The following MGMT variants were observed in gnomAD, a reference collection of about 807,000 sequenced individuals.
MGMT encodes the protein methylated-DNA--protein-cysteine methyltransferase.
A neutral mutation model predicts 15.9 loss-of-function variants in MGMT; 14 were observed. The ratio of observed to expected loss-of-function variants is 0.88; its 90% CI spans 0.58 to 1.37. The LOEUF (loss-of-function observed/expected upper bound fraction) is 1.37. Ranked by LOEUF, MGMT falls within the 40% of genes most tolerant of loss-of-function variation. The pLI is 0.00. For synonymous variants in MGMT, 130 were observed against 118.2 expected, an observed-to-expected ratio of 1.10 and a Z score of -0.65; for missense variants, 282 against 268.1, an observed-to-expected ratio of 1.05 and a Z score of -0.36.
intron 1 of MGMT, among the ~76,000 whole-genome samples, chr10:129,503,944 C>T (rs1383069589): frequency 1.3e-5 from 2 of 151,844 alleles, no homozygotes; most frequent in Admixed American, 1.3e-4. Context: ...GTTTTGTTTC[C>T]CTGTCTTTGT....
intron 1 of MGMT, among the ~76,000 whole-genome samples, chr10:129,486,982 C>T (rs1040309724): frequency 6.6e-6 from 1 of 152,186 alleles, no homozygotes; most frequent in Admixed American, 6.5e-5. Flanking sequence ...TGGCAGTCTA[C>T]CCGGGCAGCC....
chr10:129,741,319 C>CT (rs1564781434), intron 3 of MGMT, among the ~76,000 whole-genome samples: 1 of 152,214 alleles, frequency 6.6e-6, no homozygotes, highest in East Asian at 1.9e-4. Context: ...AATGTTAACT[C>CT]TCCCTAAAAG....
At chr10:129,559,929 G>T (rs1186329289) in intron 2 of MGMT, among the ~76,000 whole-genome samples, 1 of 152,172 alleles carries the variant, frequency 6.6e-6, no homozygotes, top group African/African-American at 2.4e-5. Flanking sequence ...CTGTTCCTTG[G>T]ATGGTCAGCA....
intron 2 of MGMT, among the ~76,000 whole-genome samples, chr10:129,688,715 A>G (rs1847937504): frequency 6.6e-6 from 1 of 152,196 alleles, no homozygotes; most frequent in Non-Finnish European, 1.5e-5. Context: ...TGTCTAAAAC[A>G]CCAAAAGCAA....
intron 2 of MGMT, among the ~76,000 whole-genome samples, chr10:129,646,561 G>A (rs1053780668): frequency 6.6e-6 from 1 of 151,150 alleles, no homozygotes; most frequent in Non-Finnish European, 1.5e-5. Context: ...GGGCACGGTG[G>A]CAGTTAGTAC....
At chr10:129,765,321 C>T (rs1848920999) in intron 4 of MGMT, among the ~76,000 whole-genome samples, 1 of 152,214 alleles carries the variant, frequency 6.6e-6, no homozygotes, top group Admixed American at 6.5e-5. Flanking sequence ...TGGAGCAGAT[C>T]TTCACAGTAA....
At chr10:129,739,629 C>T (rs1848607464) in intron 3 of MGMT, among the ~76,000 whole-genome samples, 1 of 151,772 alleles carries the variant, frequency 6.6e-6, no homozygotes, top group Non-Finnish European at 1.5e-5. Context: ...CAGAACTCCC[C>T]TACACCACAG....
intron 3 of MGMT, among the ~76,000 whole-genome samples, chr10:129,752,690 C>G (rs929524492): frequency 1.3e-5 from 2 of 151,836 alleles, no homozygotes. Context: ...ACTGTTTTAC[C>G]TTTTTAAGTG....
At chr10:129,555,108 A>G (rs1424140783) in intron 2 of MGMT, among the ~76,000 whole-genome samples, 1 of 152,194 alleles carries the variant, frequency 6.6e-6, no homozygotes, top group African/African-American at 2.4e-5. Context: ...CGATGGTGCT[A>G]TTTCTACCAC....
chr10:129,478,634 GA>G (rs1188326394), intron 1 of MGMT, among the ~76,000 whole-genome samples: 1 of 152,230 alleles, frequency 6.6e-6, no homozygotes, highest in African/African-American at 2.4e-5. Flanking sequence ...GCCTTTTCCT[GA>G]AGGATCTTGC....
chr10:129,615,696 G>A (rs144878992), intron 2 of MGMT, among the ~76,000 whole-genome samples: 433 of 152,274 alleles, frequency 2.8e-3, no homozygotes, highest in African/African-American at 1.0e-2. Flanking sequence ...TGCGGGTGTG[G>A]GCTGGGTGCA....
intron 2 of MGMT, among the ~76,000 whole-genome samples, chr10:129,580,998 G>T (rs1160145927): frequency 6.6e-6 from 1 of 152,192 alleles, no homozygotes; most frequent in Non-Finnish European, 1.5e-5. Flanking sequence ...AGGTGCTTGG[G>T]GGATGTCAAC....
intron 4 of MGMT, among the ~76,000 whole-genome samples, chr10:129,764,715 CG>C (rs919228043): frequency 7.2e-5 from 11 of 152,318 alleles, no homozygotes; most frequent in Middle Eastern, 3.4e-3. Flanking sequence ...GAGTGATACC[CG>C]GGGGTACCCG....
chr10:129,610,784 C>G (rs1846950628), intron 2 of MGMT, among the ~76,000 whole-genome samples: 1 of 152,192 alleles, frequency 6.6e-6, no homozygotes, highest in African/African-American at 2.4e-5. Flanking sequence ...TTTGCAAAGC[C>G]CTCATCTAGG....
chr10:129,609,763 G>A (rs1445143005), intron 2 of MGMT, among the ~76,000 whole-genome samples: 2 of 152,210 alleles, frequency 1.3e-5, no homozygotes, highest in African/African-American at 4.8e-5. Flanking sequence ...TGTTGCAGGA[G>A]AGCGGAAGAG....
intron 1 of MGMT, among the ~76,000 whole-genome samples, chr10:129,529,079 G>A (rs1845901817): frequency 6.6e-6 from 1 of 152,038 alleles, no homozygotes; most frequent in Admixed American, 6.6e-5. Context: ...TTGTGAGTGA[G>A]ATGACAGTGG....
chr10:129,758,268 A>T (rs1013326079), intron 3 of MGMT, among the ~76,000 whole-genome samples: 1 of 152,196 alleles, frequency 6.6e-6, no homozygotes, highest in Non-Finnish European at 1.5e-5. Context: ...TCTTGTGGAC[A>T]CACTCAGAAC....
At chr10:129,631,512 G>T (rs1345632443) in intron 2 of MGMT, among the ~76,000 whole-genome samples, 2 of 152,182 alleles carry the variant, frequency 1.3e-5, no homozygotes, top group African/African-American at 4.8e-5. Context: ...GGTCAGTGTT[G>T]AAAATAAAGT....
chr10:129,552,092 T>C (rs982394618), intron 2 of MGMT, among the ~76,000 whole-genome samples: 5 of 152,156 alleles, frequency 3.3e-5, no homozygotes, highest in African/African-American at 1.2e-4. Flanking sequence ...AAATAGGTGA[T>C]TGTTTTAACT....
Sources: gnomAD v4.1 joint callset for allele counts (sites outside exome capture counted in the v4.1 genomes callset) on GRCh38, gnomAD v4.1.1 for gene constraint, MANE v1.5 for transcripts, NCBI Gene and HGNC (gene_info 2026-07-23, HGNC 2026-07-21) for gene names.